Variants in SAMD12 observed in about 807,000 individuals in gnomAD.
The protein encoded by SAMD12 is sterile alpha motif domain containing 12.
Under a neutral mutation model 15.0 loss-of-function variants are expected in SAMD12, and 9 were observed. The ratio of observed to expected loss-of-function variants is 0.60; its 90% CI spans 0.36 to 1.05. SAMD12 has a LOEUF of 1.05. Ranked by LOEUF, SAMD12 falls within the 50% of genes least tolerant of loss-of-function variation. SAMD12 has a pLI of 0.01. For synonymous variants in SAMD12, 86 were observed against 90.1 expected (o/e 0.96, Z 0.25); for missense variants, 230 against 234.2 (o/e 0.98, Z 0.12).
chr8:118,213,231 T>C (rs1475568912), intron 4 of SAMD12, among the ~76,000 whole-genome samples: 1 of 152,184 alleles, frequency 6.6e-6, no homozygotes, highest in Non-Finnish European at 1.5e-5. Context: ...CCCTCCTGCT[T>C]CCTTGAATCT....
At chr8:118,466,151 T>C (rs1406027380) in intron 2 of SAMD12, among the ~76,000 whole-genome samples, 1 of 152,160 alleles carries the variant, frequency 6.6e-6, no homozygotes, top group Non-Finnish European at 1.5e-5. Context: ...ACACTCACAG[T>C]TCAGGCATGG....
chr8:118,584,154 A>C (rs1827368055), intron 1 of SAMD12, among the ~76,000 whole-genome samples: 1 of 152,158 alleles, frequency 6.6e-6, no homozygotes, highest in Admixed American at 6.6e-5. Context: ...TTTTCACACA[A>C]ATATTTTAAT....
intron 4 of SAMD12, among the ~76,000 whole-genome samples, chr8:118,338,143 C>T (rs1817175749): frequency 6.6e-6 from 1 of 152,156 alleles, no homozygotes; most frequent in African/African-American, 2.4e-5. Context: ...GATAGCAGAT[C>T]ACACAGAAAA....
intron 4 of SAMD12, among the ~76,000 whole-genome samples, chr8:118,317,915 A>T (rs1816001450): frequency 6.6e-6 from 1 of 152,224 alleles, no homozygotes; most frequent in African/African-American, 2.4e-5. Flanking sequence ...TCTCAAAAGA[A>T]GATGTACCAA....
intron 4 of SAMD12, among the ~76,000 whole-genome samples, chr8:118,353,561 A>T (rs1484651075): frequency 1.3e-5 from 2 of 152,076 alleles, no homozygotes; most frequent in Non-Finnish European, 2.9e-5. Context: ...TTGATTTTGG[A>T]CTTTCCGGCC....
At chr8:118,237,429 G>A (rs1812460697) in intron 4 of SAMD12, among the ~76,000 whole-genome samples, 2 of 152,160 alleles carry the variant, frequency 1.3e-5, no homozygotes, top group South Asian at 2.1e-4. Flanking sequence ...GAGGAGATTC[G>A]AAGGAGCAAC....
chr8:118,361,660 C>T (rs1818504942), intron 4 of SAMD12, among the ~76,000 whole-genome samples: 1 of 152,148 alleles, frequency 6.6e-6, no homozygotes, highest in Non-Finnish European at 1.5e-5. Context: ...CACTTTCCTG[C>T]CCTAACACAC....
chr8:118,586,124 C>T (rs1827431945), intron 1 of SAMD12, among the ~76,000 whole-genome samples: 1 of 152,130 alleles, frequency 6.6e-6, no homozygotes, highest in East Asian at 1.9e-4. Flanking sequence ...AACCAAGGAA[C>T]CCCCACATAG....
chr8:118,366,828 A>AAATAAAACAT (rs1818800976), intron 4 of SAMD12, among the ~76,000 whole-genome samples: 1 of 89,798 alleles, frequency 1.1e-5, no homozygotes, highest in African/African-American at 5.1e-5. Flanking sequence ...AAATAAAATA[A>AAATAAAACAT]AATAAAATAA....
Position 118,495,225 on chromosome 8 carries a change from T to C in SAMD12, c.193-55264A>G, listed in dbSNP as rs1376973966. On this transcript the variant is annotated intron_variant, in intron 2 of 3. Coordinates refer to ENST00000314727, the MANE Select transcript of SAMD12 (RefSeq NM_207506.3). ...TGTGTCAACTGAAGTCATCAGATTG[T>C]CATGGGACATATGCCCCTGTCAAAA... is the stretch of plus-strand genomic sequence containing the variant. 2.0e-5 allele frequency among the ~76,000 whole-genome samples: 3 copies of C among 152,182 alleles called. No individual in the cohort carries two copies. In the East Asian group the frequency reaches 5.8e-4, roughly 29 times the overall value.
chr8:118,450,275 A>G lies in SAMD12; in HGVS notation c.193-10314T>C, dbSNP rs534054939. On this transcript the variant is annotated intron_variant, in intron 2 of 3. Transcript: ENST00000314727. ...CAGATGTGCTCAGGCACTCAACAGGAAACAAGACGTCCTGGCAGCCTGGAT... is the reference window on the plus strand; with the variant it reads ...CAGATGTGCTCAGGCACTCAACAGGGAACAAGACGTCCTGGCAGCCTGGAT... 2.0e-5 allele frequency among the ~76,000 whole-genome samples: 3 copies of G among 152,210 alleles called. No homozygotes were observed. The South Asian group carries it at 6.2e-4, about 32-fold the overall frequency.
the SAMD12 span, among the ~76,000 whole-genome samples, chr8:118,177,405 C>CT: frequency 6.3e-4 from 93 of 147,900 alleles, no homozygotes; most frequent in Non-Finnish European, 1.1e-3. Flanking sequence ...GTCCAGCTAA[C>CT]TTTTTTTTTT....
intron 3 of SAMD12, among the ~76,000 whole-genome samples, chr8:118,393,507 C>G (rs1172238953): frequency 2.6e-5 from 4 of 152,072 alleles, no homozygotes. Flanking sequence ...GCCTTGGCCT[C>G]CCAAAGTGCT....
At chr8:118,305,861 T>A (rs1056636408) in intron 4 of SAMD12, among the ~76,000 whole-genome samples, 1 of 152,132 alleles carries the variant, frequency 6.6e-6, no homozygotes, top group African/African-American at 2.4e-5. Flanking sequence ...TTTTAGCCAA[T>A]GTGAAGCATT....
the SAMD12 span, among the ~76,000 whole-genome samples, chr8:118,161,442 TG>T: frequency 6.6e-6 from 1 of 150,982 alleles, no homozygotes; most frequent in South Asian, 2.1e-4. Context: ...TAGCTGGGTG[TG>T]GTGGCAAATG....
chr8:118,498,636 G>A (rs1403537338), intron 2 of SAMD12, among the ~76,000 whole-genome samples: 1 of 152,194 alleles, frequency 6.6e-6, no homozygotes, highest in Non-Finnish European at 1.5e-5. Flanking sequence ...TTCACACCTA[G>A]AATTTTCATG....
chr8:118,413,224 T>C (rs1821504411), intron 3 of SAMD12, among the ~76,000 whole-genome samples: 1 of 152,160 alleles, frequency 6.6e-6, no homozygotes, highest in African/African-American at 2.4e-5. Context: ...AGCTAATTAA[T>C]TATTTATTGT....
intron 2 of SAMD12, among the ~76,000 whole-genome samples, chr8:118,459,948 A>G (rs902249791): frequency 6.6e-6 from 1 of 152,222 alleles, no homozygotes; most frequent in African/African-American, 2.4e-5. Context: ...GGAAGGCAAT[A>G]AAACCGGGTG....
intron 4 of SAMD12, among the ~76,000 whole-genome samples, chr8:118,310,250 A>G (rs907143716): frequency 6.6e-6 from 1 of 151,900 alleles, no homozygotes; most frequent in East Asian, 1.9e-4. Flanking sequence ...TTTTCCACTC[A>G]TGCCTCAGAC....
Sources: allele counts gnomAD v4.1 joint callset (sites outside exome capture counted in the v4.1 genomes callset), GRCh38; gene constraint gnomAD v4.1.1; transcripts MANE v1.5; gene names NCBI Gene and HGNC (gene_info 2026-07-23, HGNC 2026-07-21).